SYCP1: variants seen among roughly 807,000 people sequenced by gnomAD.
SYCP1 encodes synaptonemal complex protein 1.
A neutral mutation model predicts 153.1 loss-of-function variants in SYCP1; 64 were observed. That is an observed-to-expected ratio of 0.42 (90% CI 0.34 to 0.51). The LOEUF (loss-of-function observed/expected upper bound fraction) is 0.51. SYCP1 is among the 20% of genes least tolerant of loss of function. SYCP1 has a pLI of 0.06. For missense variants in SYCP1, 997 were observed against 1,049.0 expected, an observed-to-expected ratio of 0.95 and a Z score of 0.68; for synonymous variants, 384 against 341.8, an observed-to-expected ratio of 1.12 and a Z score of -1.36.
At chr1:114,913,926 T>C in intron 19 of SYCP1, 49 bp from the exon 20 acceptor site, 7 of 1,354,306 alleles carry the variant, frequency 5.2e-6, no homozygotes, top group Non-Finnish European at 6.0e-6. Context: ...GTTTAAATTT[T>C]ATTTTTGTTT....
At chr1:114,891,014 C>A (rs897545737) in intron 15 of SYCP1, among the ~76,000 whole-genome samples, 7 of 152,034 alleles carry the variant, frequency 4.6e-5, no homozygotes, top group African/African-American at 1.4e-4. Flanking sequence ...CCCATTTGTC[C>A]TAATCTTTAT....
chr1:114,938,613 A>AG (rs1431973458), intron 23 of SYCP1, among the ~76,000 whole-genome samples: 1 of 152,240 alleles, frequency 6.6e-6, no homozygotes, highest in East Asian at 1.9e-4. Context: ...AGGAAAAAAA[A>AG]GAATGAGTGG....
Position 114,981,325 on chromosome 1 carries a change from G to T in SYCP1, c.2383-11G>T. On this transcript the variant is annotated splice_polypyrimidine_tract_variant and intron_variant, in intron 28 of 31. Coordinates refer to ENST00000369522, the MANE Select transcript of SYCP1 (RefSeq NM_003176.4). ...AGTGATGGTTTTATTCATTCTTGTT[G>T]TTCAATGCAGAAAACACAAACATTT... 6.4e-7 allele frequency: 1 copy of T among 1,562,232 alleles called. No homozygotes were observed.
intron 8 of SYCP1, among the ~76,000 whole-genome samples, chr1:114,867,541 T>C (rs1428983334): frequency 6.6e-6 from 1 of 152,196 alleles, no homozygotes; most frequent in Non-Finnish European, 1.5e-5. Flanking sequence ...GTTTTCAATT[T>C]CAAATTCCGC....
intron 9 of SYCP1, among the ~76,000 whole-genome samples, chr1:114,875,832 T>C (rs1665491737): frequency 6.6e-6 from 1 of 152,190 alleles, no homozygotes. Context: ...AACAATCCAT[T>C]TGCTGCTATT....
intron 21 of SYCP1, among the ~76,000 whole-genome samples, chr1:114,923,942 G>A (rs561618701): frequency 6.6e-6 from 1 of 152,238 alleles, no homozygotes; most frequent in East Asian, 1.9e-4. Flanking sequence ...TACAAGATAT[G>A]TGACATGATT....
intron 2 of SYCP1, 84 bp from the exon 3 acceptor site, chr1:114,856,489 G>C (rs1663948163): frequency 1.2e-6 from 1 of 836,968 alleles, no homozygotes; most frequent in Middle Eastern, 3.5e-4. Flanking sequence ...TTAAGCAGAT[G>C]TATATTACAT....
chr1:114,921,547 C>T lies in SYCP1; in HGVS notation c.1719-1902C>T, dbSNP rs569517470. Among the ~76,000 whole-genome samples, 13 of 151,108 alleles carry T rather than the reference C, an allele frequency of 8.6e-5. No individual in the cohort carries two copies. In the East Asian group the frequency reaches 1.2e-3, roughly 14 times the overall value. On this transcript the variant is annotated intron_variant, in intron 20 of 31. Coordinates refer to ENST00000369522, the MANE Select transcript of SYCP1 (RefSeq NM_003176.4). ...TAGAAAAATTAGCCGGGTGTGGTGG[C>T]GGGTGCCTGTAATCCTAGCTACTGG...
rs530651857 is a variant in SYCP1 at position 114,944,509 on chromosome 1, A to G, written c.2043+54A>G. ...TATTATACTAAAAATCTATATTTTT[A>G]TTAGGATTTTAAGAGGAAAGTAAAA... On this transcript the variant is annotated intron_variant, in intron 24 of 31. Coordinates refer to ENST00000369522, the MANE Select transcript of SYCP1 (RefSeq NM_003176.4). 25 of 1,073,934 alleles carry G rather than the reference A, an allele frequency of 2.3e-5. No homozygotes were observed. The East Asian group carries it at 7.1e-4, about 31-fold the overall frequency. 66.5% of individuals were successfully genotyped at this position (1,073,934 alleles called of 1,614,324 possible).
At chr1:114,915,988 G>A (rs1377416004) in intron 20 of SYCP1, among the ~76,000 whole-genome samples, 1 of 152,144 alleles carries the variant, frequency 6.6e-6, no homozygotes, top group African/African-American at 2.4e-5. Flanking sequence ...GGCTCACCTG[G>A]GAGAGTGGGT....
At chr1:114,885,751 A>T (rs1444329090) in intron 13 of SYCP1, 122 bp downstream of exon 13, 4 of 585,046 alleles carry the variant, frequency 6.8e-6, no homozygotes, top group Non-Finnish European at 1.2e-5. Context: ...GAGAAGACAC[A>T]ATCCTAGTCT....
intron 8 of SYCP1, among the ~76,000 whole-genome samples, chr1:114,869,079 A>G (rs1020078014): frequency 2.0e-5 from 3 of 151,700 alleles, no homozygotes; most frequent in Admixed American, 6.6e-5. Context: ...TCTCCTTCTT[A>G]CTTTGGATTT....
intron 1 of SYCP1, 43 bp from the exon 2 acceptor site, chr1:114,855,398 G>A: frequency 8.1e-7 from 1 of 1,233,046 alleles, no homozygotes; most frequent in Non-Finnish European, 1.1e-6. Flanking sequence ...GACACTCGGT[G>A]AAAAAAAACT....
intron 27 of SYCP1, among the ~76,000 whole-genome samples, chr1:114,955,197 G>T (rs1448034407): frequency 2.0e-5 from 3 of 151,984 alleles, no homozygotes; most frequent in African/African-American, 7.2e-5. Flanking sequence ...TGATATGGTG[G>T]ATTACCTTGG....
At chr1:114,976,467 A>G (rs545508170) in intron 27 of SYCP1, among the ~76,000 whole-genome samples, 5 of 151,972 alleles carry the variant, frequency 3.3e-5, no homozygotes, top group Middle Eastern at 3.4e-3. Context: ...CCTTGGAAAC[A>G]TATATTATAT....
chr1:114,884,322 C>A (rs536892573), intron 12 of SYCP1, among the ~76,000 whole-genome samples: 11 of 152,204 alleles, frequency 7.2e-5, no homozygotes, highest in Admixed American at 3.3e-4. Flanking sequence ...TTTGTATGTG[C>A]TCTTACACTT....
intron 12 of SYCP1, among the ~76,000 whole-genome samples, chr1:114,880,059 T>C (rs1665814554): frequency 6.6e-6 from 1 of 152,206 alleles, no homozygotes. Context: ...TATTTCAATA[T>C]ATGTCTCATC....
intron 20 of SYCP1, among the ~76,000 whole-genome samples, chr1:114,918,910 T>C (rs1048342005): frequency 6.6e-6 from 1 of 151,962 alleles, no homozygotes; most frequent in East Asian, 1.9e-4. Flanking sequence ...AGTATAAGAT[T>C]ATACTTGGAA....
chr1:114,947,735 C>T (rs550200188), intron 27 of SYCP1, among the ~76,000 whole-genome samples: 1 of 138,170 alleles, frequency 7.2e-6, no homozygotes, highest in African/African-American at 2.7e-5. Context: ...ATGGCGTGAA[C>T]CCGGGAGGCG....
Sources: gnomAD v4.1 joint callset for allele counts (sites outside exome capture counted in the v4.1 genomes callset) on GRCh38, gnomAD v4.1.1 for gene constraint, MANE v1.5 for transcripts, NCBI Gene and HGNC (gene_info 2026-07-23, HGNC 2026-07-21) for gene names.